Variants in ADCY7 observed in about 807,000 individuals in gnomAD.
The protein encoded by ADCY7 is adenylate cyclase 7, also known as adenylate cyclase type 7.
ADCY7 carries 72 observed loss-of-function variants against 120.6 expected under a neutral mutation model. The ratio of observed to expected loss-of-function variants is 0.60; its 90% CI spans 0.49 to 0.73. ADCY7 has a LOEUF of 0.73. ADCY7 is among the 30% of genes least tolerant of loss of function. ADCY7 has a pLI of 0.00. For missense variants in ADCY7, 1,227 were observed against 1,486.0 expected (o/e 0.83, Z 2.87); for synonymous variants, 661 against 628.0 (o/e 1.05, Z -0.78).
chr16:50,290,636 A>G lies in ADCY7; in HGVS notation c.351A>G (p.Thr117=), dbSNP rs556587917. The change falls in exon 3 of 26, where the codon ACA becomes ACG. Residue 117 remains threonine (T), a synonymous_variant. Coordinates refer to ENST00000673801, the MANE Select transcript of ADCY7 (RefSeq NM_001114.5). ...ATGTGCTGGTGTTCGACGCATGGAC[A>G]AAGGCGGCCTGTGCGTGGGAGCAGG... ...LGYVLVFDAW[T]KAACAWEQVP... 6.2e-7 allele frequency: 1 copy of G among 1,613,832 alleles called. No individual in the cohort carries two copies. Among genetic ancestry groups the G allele is most frequent in the East Asian group, 2.2e-5 (1 of 44,878 alleles).
At chr16:50,292,524 T>C (rs2035053711) in intron 4 of ADCY7, 152 bp from the exon 5 acceptor site, 1 of 952,190 alleles carries the variant, frequency 1.1e-6, no homozygotes, top group East Asian at 2.5e-5. Flanking sequence ...TGGGCCTCAG[T>C]TTCCCTGTCT....
chr16:50,269,121 T>C (rs552290094), intron 1 of ADCY7, among the ~76,000 whole-genome samples: 47 of 152,356 alleles, frequency 3.1e-4, no homozygotes, highest in African/African-American at 1.0e-3. Context: ...CTACAATTTA[T>C]AGCTACTGAT....
chr16:50,307,245 G>C, intron 15 of ADCY7, 98 bp downstream of exon 15: 1 of 1,222,106 alleles, frequency 8.2e-7, no homozygotes, highest in Admixed American at 2.0e-5. Context: ...GGGCTGGAAG[G>C]GGTCGGCTGC....
intron 6 of ADCY7, among the ~76,000 whole-genome samples, chr16:50,293,959 G>A (rs2035171960): frequency 6.6e-6 from 1 of 152,168 alleles, no homozygotes; most frequent in East Asian, 1.9e-4. Context: ...AGTTTGTCAA[G>A]TGTCGATGTG....
chr16:50,293,799 G>A (rs538870428), intron 6 of ADCY7, among the ~76,000 whole-genome samples: 1 of 152,290 alleles, frequency 6.6e-6, no homozygotes, highest in African/African-American at 2.4e-5. Flanking sequence ...TGAAGGAAGG[G>A]GTCCTTTCAG....
chr16:50,245,958 GT>G (rs2032567732), upstream of ADCY7, among the ~76,000 whole-genome samples: 1 of 143,984 alleles, frequency 6.9e-6, no homozygotes, highest in Non-Finnish European at 1.5e-5. Flanking sequence ...GGGAGCTGGG[GT>G]GGGGTGGGGT....
chr16:50,247,889 A>C (rs1269381840), intron 1 of ADCY7, among the ~76,000 whole-genome samples: 1 of 152,046 alleles, frequency 6.6e-6, no homozygotes, highest in Non-Finnish European at 1.5e-5. Flanking sequence ...AAGAGTGGGT[A>C]CTTTTGGGCT....
At position 50,292,680 on chromosome 16, in the gene ADCY7, T is replaced by C. The variant is rs1442484622; in HGVS notation, c.542T>C (p.Leu181Pro). The change falls in exon 5 of 26, where the codon CTG (leucine) becomes CCG (proline). Residue 181 changes from leucine (L) to proline (P), a missense_variant. Physicochemically the swap from Leu to Pro is moderately conservative, Grantham distance 98. Coordinates refer to ENST00000673801, the MANE Select transcript of ADCY7 (RefSeq NM_001114.5). Reference protein sequence around the residue: ...TPSVRVGLQLLANAVIFLCGN... With the variant: ...TPSVRVGLQLPANAVIFLCGN... Reference sequence around the variant, plus strand: ...CAAACCCCTGTCTACCCGCAGCTGCTGGCCAACGCAGTCATCTTCCTGTGT... The same window carrying C: ...CAAACCCCTGTCTACCCGCAGCTGCCGGCCAACGCAGTCATCTTCCTGTGT... The C allele has an allele frequency of 2.5e-6, 4 of 1,613,782 alleles. No homozygotes were observed. In the South Asian group the frequency reaches 4.4e-5, roughly 18 times the overall value.
At chr16:50,250,673 G>C (rs564726887) in intron 1 of ADCY7, among the ~76,000 whole-genome samples, 1 of 152,076 alleles carries the variant, frequency 6.6e-6, no homozygotes, top group African/African-American at 2.4e-5. Flanking sequence ...TGGGAAAAAA[G>C]GTATAAAGCA....
intron 18 of ADCY7, chr16:50,310,379 C>T (rs1353690781): frequency 7.2e-7 from 1 of 1,384,246 alleles, no homozygotes; most frequent in South Asian, 1.2e-5. Context: ...GGTAAGCTCA[C>T]AAAAACTCAG....
At chr16:50,308,953 C>T (rs1596981153) in intron 17 of ADCY7, 161 bp downstream of exon 17, 1 of 880,966 alleles carries the variant, frequency 1.1e-6, no homozygotes. Context: ...GGCTCCTCAC[C>T]TTTGGGTTCT....
chr16:50,251,874 C>T (rs775885046), intron 1 of ADCY7, among the ~76,000 whole-genome samples: 9 of 152,356 alleles, frequency 5.9e-5, no homozygotes, highest in African/African-American at 1.4e-4. Flanking sequence ...TGCTCCCCCA[C>T]GCAGAGGGCA....
Position 50,292,697 on chromosome 16 carries a change from T to G in ADCY7, c.559T>G (p.Phe187Val). 2 of 1,613,916 alleles carry G rather than the reference T, an allele frequency of 1.2e-6. No homozygotes were observed. Among genetic ancestry groups the G allele is most frequent in the Non-Finnish European group, 1.7e-6 (2 of 1,179,968 alleles). The change falls in exon 5 of 26, where the codon TTC (phenylalanine) becomes GTC (valine). Residue 187 changes from phenylalanine (F) to valine (V), a missense_variant. By Grantham distance (50) the Phe-to-Val change is conservative (BLOSUM62 -1). Coordinates refer to ENST00000673801, the MANE Select transcript of ADCY7 (RefSeq NM_001114.5). The stretch of plus-strand genomic sequence containing the variant: ...GCAGCTGCTGGCCAACGCAGTCATC[T>G]TCCTGTGTGGGAACCTGACAGGCGC... ...GLQLLANAVI[F>V]LCGNLTGAFH...
chr16:50,298,174 T>C (rs894791652), intron 7 of ADCY7, among the ~76,000 whole-genome samples: 4 of 152,040 alleles, frequency 2.6e-5, no homozygotes, highest in Admixed American at 1.3e-4. Flanking sequence ...GCACAGCCAC[T>C]GCTTGGGTGA....
chr16:50,261,200 C>T lies in ADCY7; in HGVS notation c.-64+14997C>T, dbSNP rs143458269. On this transcript the variant is annotated intron_variant, in intron 1 of 4. Transcript: ENST00000564044. ...CCCCATAGGAACAGGGAGCTGTTAC[C>T]AAAAGTGGACATGACATCCTCTGTG... is the stretch of plus-strand genomic sequence containing the variant. Among the ~76,000 whole-genome samples the T allele has an allele frequency of 2.0e-5, 3 of 152,266 alleles. No individual in the cohort carries two copies. In the East Asian group the frequency reaches 5.8e-4, roughly 29 times the overall value.
intron 1 of ADCY7, among the ~76,000 whole-genome samples, chr16:50,256,463 G>A (rs1233091116): frequency 6.6e-6 from 1 of 152,174 alleles, no homozygotes; most frequent in Non-Finnish European, 1.5e-5. Flanking sequence ...AGCACTTTGG[G>A]AGGCTAAGGC....
At chr16:50,278,332 T>A (rs2034033348) in intron 1 of ADCY7, among the ~76,000 whole-genome samples, 1 of 152,218 alleles carries the variant, frequency 6.6e-6, no homozygotes, top group Admixed American at 6.5e-5. Flanking sequence ...TGAGCCACCA[T>A]GCCTGGCCCT....
chr16:50,283,469 A>C (rs1384019930), intron 1 of ADCY7, among the ~76,000 whole-genome samples: 1 of 152,226 alleles, frequency 6.6e-6, no homozygotes, highest in Non-Finnish European at 1.5e-5. Context: ...GAGAGCCTTC[A>C]CTTCCCAGGC....
Position 50,290,626 on chromosome 16 carries a change from A to C in ADCY7, c.341A>C (p.Asp114Ala). The stretch of plus-strand genomic sequence containing the variant: ...GCGCTGGGCTATGTGCTGGTGTTCG[A>C]CGCATGGACAAAGGCGGCCTGTGCG... The part of the protein sequence containing the change: ...LVALGYVLVF[D>A]AWTKAACAWE... Residue 114 changes from aspartate to alanine, a missense_variant, in exon 3 of 26, where the codon GAC (aspartate) becomes GCC (alanine). By Grantham distance (126) the Asp-to-Ala change is moderately radical (BLOSUM62 -2). Transcript: ENST00000673801. The C allele has an allele frequency of 6.2e-7, 1 of 1,613,996 alleles. No homozygotes were observed. The highest frequency in any genetic ancestry group is 8.5e-7 in the Non-Finnish European group (1 of 1,179,954).
Sources: gnomAD v4.1 joint callset for allele counts (sites outside exome capture counted in the v4.1 genomes callset) on GRCh38, gnomAD v4.1.1 for gene constraint, MANE v1.5 for transcripts, NCBI Gene and HGNC (gene_info 2026-07-23, HGNC 2026-07-21) for gene names.